Variants in KLHL29 observed in about 807,000 individuals in gnomAD.
The protein encoded by KLHL29 is kelch-like protein 29.
In KLHL29, 21 loss-of-function variants were observed where a neutral mutation model predicts 80.4. The observed-to-expected ratio is 0.26, with a 90% CI of 0.19 to 0.38. The LOEUF (loss-of-function observed/expected upper bound fraction) is 0.38. KLHL29 is among the 10% of genes least tolerant of loss of function. The pLI, the probability that KLHL29 is intolerant of heterozygous loss-of-function variation, is 1.00. For missense variants in KLHL29, 867 were observed against 1,223.9 expected (o/e 0.71, Z 4.35); for synonymous variants, 511 against 526.8 (o/e 0.97, Z 0.41).
At chr2:23,447,097 C>A (rs1190584113) in intron 1 of KLHL29, among the ~76,000 whole-genome samples, 1 of 152,196 alleles carries the variant, frequency 6.6e-6, no homozygotes, top group Non-Finnish European at 1.5e-5. Flanking sequence ...GTGTTAGATG[C>A]CACAGTCAGC....
At chr2:23,521,061 C>CTACG (rs2103469746) in intron 2 of KLHL29, among the ~76,000 whole-genome samples, 1 of 151,316 alleles carries the variant, frequency 6.6e-6, no homozygotes, top group Non-Finnish European at 1.5e-5. Flanking sequence ...TTACCCCAAG[C>CTACG]TACGTACATA....
intron 1 of KLHL29, among the ~76,000 whole-genome samples, chr2:23,430,427 C>T (rs1208763548): frequency 6.6e-6 from 1 of 152,166 alleles, no homozygotes; most frequent in Non-Finnish European, 1.5e-5. Flanking sequence ...CATGAGATGA[C>T]GCATGTTCTA....
intron 1 of KLHL29, among the ~76,000 whole-genome samples, chr2:23,414,846 T>TA (rs534095862): frequency 6.6e-6 from 1 of 152,258 alleles, no homozygotes; most frequent in African/African-American, 2.4e-5. Flanking sequence ...GTGCTGTCCT[T>TA]ATTCTGAGAC....
intron 2 of KLHL29, among the ~76,000 whole-genome samples, chr2:23,533,654 C>T (rs1440204976): frequency 6.6e-6 from 1 of 152,082 alleles, no homozygotes; most frequent in African/African-American, 2.4e-5. Flanking sequence ...TGGGTGATGG[C>T]ATTTGTAACA....
intron 2 of KLHL29, among the ~76,000 whole-genome samples, chr2:23,501,185 C>T (rs1383125950): frequency 6.6e-6 from 1 of 152,116 alleles, no homozygotes; most frequent in African/African-American, 2.4e-5. Flanking sequence ...ATCCCCAACT[C>T]TTCCCCGCGT....
At chr2:23,402,034 A>G (rs1666609401) in intron 1 of KLHL29, among the ~76,000 whole-genome samples, 2 of 152,162 alleles carry the variant, frequency 1.3e-5, no homozygotes, top group African/African-American at 4.8e-5. Flanking sequence ...CACATTTTGC[A>G]CTTTCAACAG....
At position 23,425,537 on chromosome 2, in the gene KLHL29, C is replaced by T. The variant is rs182766560; in HGVS notation, c.-154+39757C>T. ...GCCTTTGAGTTCATCCTTCAAAGAA[C>T]GCAACGCTGGGCAGGTAGCAGGGTG... On this transcript the variant is annotated intron_variant, in intron 1 of 13. Transcript: ENST00000486442. 3.3e-5 allele frequency among the ~76,000 whole-genome samples: 5 copies of T among 152,290 alleles called. No individual in the cohort carries two copies. The East Asian group carries it at 5.8e-4, about 18-fold the overall frequency.
chr2:23,417,688 C>T (rs551007551), intron 1 of KLHL29, among the ~76,000 whole-genome samples: 1 of 152,160 alleles, frequency 6.6e-6, no homozygotes, highest in Non-Finnish European at 1.5e-5. Context: ...CTCCTCCAGC[C>T]TCACCTTTCT....
intron 2 of KLHL29, among the ~76,000 whole-genome samples, chr2:23,499,448 T>A (rs112019970): frequency 6.6e-6 from 1 of 152,180 alleles, no homozygotes; most frequent in East Asian, 1.9e-4. Context: ...TAGATACTTA[T>A]GTTCTTGCTC....
At position 23,681,008 on chromosome 2, in the gene KLHL29, G is replaced by A. The variant is rs1373400089; in HGVS notation, c.941-3391G>A. On this transcript the variant is annotated intron_variant, in intron 5 of 13. Coordinates refer to ENST00000486442, the MANE Select transcript of KLHL29 (RefSeq NM_052920.2). The surrounding 1 kb of genome is among the most constrained non-coding windows in gnomAD (Gnocchi z 4.2). Reference sequence around the variant, plus strand: ...ACACACCTCACTTGGAAGCTTCTCAGAGATCAGGGAGTGTCCTTTGCCAAA... The same window carrying A: ...ACACACCTCACTTGGAAGCTTCTCAAAGATCAGGGAGTGTCCTTTGCCAAA... Among the ~76,000 whole-genome samples, 1 of 152,228 alleles carries A rather than the reference G, an allele frequency of 6.6e-6. No homozygotes were observed. Among genetic ancestry groups the A allele is most frequent in the Non-Finnish European group, 1.5e-5 (1 of 68,030 alleles).
rs1672724945 is a variant in KLHL29 at position 23,706,371 on chromosome 2, C to T, written c.2445-110C>T. The T allele has an allele frequency of 7.3e-6, 6 of 825,864 alleles. No homozygotes were observed. In the African/African-American group the frequency reaches 1.1e-4, roughly 15 times the overall value. 51.2% of individuals were successfully genotyped at this position (825,864 alleles called of 1,614,324 possible). On this transcript the variant is annotated intron_variant, in intron 13 of 13. Transcript: ENST00000486442. ...AGAAGGGCAGCAAGATCCCAGATGC[C>T]TTCTGCAAAAGGCACAGGCAGCCTA...
chr2:23,635,153 G>C (rs1418160368), intron 3 of KLHL29, among the ~76,000 whole-genome samples: 6 of 152,218 alleles, frequency 3.9e-5, no homozygotes, highest in Non-Finnish European at 5.9e-5. Context: ...GTAGAAAAAG[G>C]GGTTTCCTCT....
chr2:23,643,224 G>C (rs1183239205), intron 5 of KLHL29: 1 of 411,128 alleles, frequency 2.4e-6, no homozygotes, highest in African/African-American at 2.0e-5. Flanking sequence ...GGGCACCGCA[G>C]AACAGTCCCT....
intron 1 of KLHL29, among the ~76,000 whole-genome samples, chr2:23,408,600 T>TA (rs1196458718): frequency 6.6e-6 from 1 of 152,190 alleles, no homozygotes; most frequent in African/African-American, 2.4e-5. Flanking sequence ...TACTGGCAAA[T>TA]AAAAAAGCTG....
intron 2 of KLHL29, among the ~76,000 whole-genome samples, chr2:23,549,004 G>A (rs1667055545): frequency 6.6e-6 from 1 of 152,196 alleles, no homozygotes; most frequent in Admixed American, 6.5e-5. Flanking sequence ...CCAAGCTGCT[G>A]GGAGAGAGTC....
intron 2 of KLHL29, among the ~76,000 whole-genome samples, chr2:23,560,241 T>G (rs1667413153): frequency 6.6e-6 from 1 of 151,548 alleles, no homozygotes; most frequent in Non-Finnish European, 1.5e-5. Flanking sequence ...TTTTATTTTT[T>G]AACCATGTAA....
At chr2:23,450,275 G>A (rs1028617553) in intron 1 of KLHL29, among the ~76,000 whole-genome samples, 2 of 152,284 alleles carry the variant, frequency 1.3e-5, no homozygotes, top group East Asian at 1.9e-4. Context: ...TGGGCAAGAC[G>A]TGCCGCCAGG....
intron 1 of KLHL29, among the ~76,000 whole-genome samples, chr2:23,442,466 G>A (rs1572516286): frequency 6.6e-6 from 1 of 152,166 alleles, no homozygotes; most frequent in South Asian, 2.1e-4. Context: ...CAGGAGCAAT[G>A]ATGAGAGTGA....
intron 3 of KLHL29, among the ~76,000 whole-genome samples, chr2:23,571,896 G>A (rs536472189): frequency 4.3e-4 from 65 of 152,260 alleles, no homozygotes; most frequent in Non-Finnish European, 7.8e-4. Flanking sequence ...TTGCACAGAC[G>A]GCTCCCAAGC....
Sources: gnomAD v4.1 joint callset for allele counts (sites outside exome capture counted in the v4.1 genomes callset) on GRCh38, gnomAD v4.1.1 for gene constraint, Gnocchi (gnomAD v3.1) non-coding constraint, MANE v1.5 for transcripts, NCBI Gene and HGNC (gene_info 2026-07-23, HGNC 2026-07-21) for gene names.